API5: variants seen among roughly 807,000 people sequenced by gnomAD.
The protein encoded by API5 is FIF.
Under a neutral mutation model 71.9 loss-of-function variants are expected in API5, and 6 were observed. That is an observed-to-expected ratio of 0.08 (90% CI 0.05 to 0.16). The LOEUF (loss-of-function observed/expected upper bound fraction) is 0.16. API5 is among the 10% of genes least tolerant of loss of function. API5 has a pLI of 1.00. For missense variants in API5, 332 were observed against 612.8 expected (o/e 0.54, Z 4.84); for synonymous variants, 189 against 221.3 (o/e 0.85, Z 1.30).
chr11:43,324,485 C>T (rs914019383), intron 6 of API5, among the ~76,000 whole-genome samples: 3 of 152,032 alleles, frequency 2.0e-5, no homozygotes, highest in Admixed American at 6.6e-5. Flanking sequence ...CGTGGTGGCC[C>T]GTCCCTGTAA....
chr11:43,341,052 A>G (rs1221701262), intron 13 of API5, among the ~76,000 whole-genome samples: 17 of 152,202 alleles, frequency 1.1e-4, no homozygotes, highest in Admixed American at 6.5e-5. Flanking sequence ...TATTCAGAAT[A>G]TAGAAGATAT....
chr11:43,314,085 T>C (rs905813468), intron 1 of API5, among the ~76,000 whole-genome samples: 1 of 150,922 alleles, frequency 6.6e-6, no homozygotes, highest in Non-Finnish European at 1.5e-5. Flanking sequence ...CAAGACTCCA[T>C]CTCAAACAAA....
intron 1 of API5, among the ~76,000 whole-genome samples, chr11:43,315,918 A>T (rs1325264008): frequency 6.6e-6 from 1 of 152,160 alleles, no homozygotes. Flanking sequence ...ATAGATACTT[A>T]ATTTTATATT....
chr11:43,340,267 G>A, intron 13 of API5: 1 of 322,872 alleles, frequency 3.1e-6, no homozygotes, highest in Non-Finnish European at 6.0e-6. Context: ...AAACACTGAT[G>A]AAAGAAATTG....
chr11:43,320,042 CTT>C (rs368783012), intron 2 of API5, among the ~76,000 whole-genome samples: 7 of 120,142 alleles, frequency 5.8e-5, no homozygotes, highest in Non-Finnish European at 8.8e-5. Context: ...CAAATTCTCT[CTT>C]TTTTTTTTTT....
chr11:43,336,357 TTCTGAGAGATAGTA>T lies in API5; in HGVS notation c.1492+365_1492+378del, dbSNP rs1230765096. The stretch of plus-strand genomic sequence containing the variant: ...ATTCTCCCTCAGGGATGGGTATAGC[TTCTGAGAGATAGTA>T]TAAATGCTCTTTCTTGGACATAGTC... On this transcript the variant is annotated intron_variant, in intron 13 of 13. Transcript: ENST00000531273. 16 of 289,360 alleles carry T rather than the reference TTCTGAGAGATAGTA, an allele frequency of 5.5e-5. No individual in the cohort carries two copies. In the South Asian group the frequency reaches 1.4e-3, roughly 25 times the overall value. The allele number at this position is 289,360 out of a possible 1,614,324, so 17.9% of individuals were successfully genotyped here.
chr11:43,312,873 C>A (rs1156681727), intron 1 of API5, among the ~76,000 whole-genome samples: 1 of 152,114 alleles, frequency 6.6e-6, no homozygotes, highest in African/African-American at 2.4e-5. Context: ...CTTTGGGAGG[C>A]CGAGGCGGGC....
chr11:43,323,238 C>A (rs563729100), intron 5 of API5, among the ~76,000 whole-genome samples, 192 bp from the exon 6 acceptor site: 1 of 152,058 alleles, frequency 6.6e-6, no homozygotes, highest in East Asian at 1.9e-4. Context: ...AATTTTTGCC[C>A]CCTTGGAGAA....
chr11:43,316,375 T>C (rs1212126817), intron 1 of API5, among the ~76,000 whole-genome samples: 1 of 115,320 alleles, frequency 8.7e-6, no homozygotes, highest in East Asian at 2.6e-4. Flanking sequence ...AAGGAAGTTT[T>C]GTTTTAAGCA....
intron 6 of API5, among the ~76,000 whole-genome samples, chr11:43,325,517 A>G (rs2134358542): frequency 6.6e-6 from 1 of 152,320 alleles, no homozygotes; most frequent in Middle Eastern, 3.4e-3. Context: ...ACAATAGCCA[A>G]CATCATCGAT....
At chr11:43,327,189 T>G (rs1411233336) in intron 7 of API5, among the ~76,000 whole-genome samples, 1 of 152,332 alleles carries the variant, frequency 6.6e-6, no homozygotes. Flanking sequence ...TCATGGGTCT[T>G]TGGGATAGAG....
intron 1 of API5, among the ~76,000 whole-genome samples, chr11:43,316,662 A>G (rs1402086881): frequency 2.0e-5 from 3 of 152,028 alleles, no homozygotes; most frequent in African/African-American, 7.3e-5. Context: ...TTGCTCTGTC[A>G]GGCTGGAGTG....
intron 5 of API5, among the ~76,000 whole-genome samples, chr11:43,322,516 CTG>C (rs894123693): frequency 2.2e-4 from 33 of 152,214 alleles, no homozygotes; most frequent in African/African-American, 7.0e-4. Context: ...TCAAAATGAC[CTG>C]TTGTCACCTT....
Position 43,321,976 on chromosome 11 carries a change from G to A in API5, c.392-9G>A, listed in dbSNP as rs748074447. On this transcript the variant is annotated splice_polypyrimidine_tract_variant and intron_variant, in intron 4 of 13. Coordinates refer to ENST00000531273, the MANE Select transcript of API5 (RefSeq NM_001142930.2). ...TTGACTTGCTACAGGCAACTATTTT[G>A]TTTTGCAGGGACTTTAGGTGGGTTG... 1 of 1,604,770 alleles carries A rather than the reference G, an allele frequency of 6.2e-7. No individual in the cohort carries two copies. Among genetic ancestry groups the A allele is most frequent in the African/African-American group, 1.3e-5 (1 of 74,446 alleles).
chr11:43,328,931 G>A (rs2134365079), intron 9 of API5, 38 bp downstream of exon 9: 3 of 1,606,660 alleles, frequency 1.9e-6, no homozygotes, highest in Middle Eastern at 1.7e-4. Context: ...CTTGGCAAAG[G>A]TGGTAGCTAT....
rs376582287 is a variant in API5 at position 43,335,916 on chromosome 11, G to C, written c.1414G>C (p.Gly472Arg). The C allele has an allele frequency of 6.2e-7, 1 of 1,613,798 alleles. No individual in the cohort carries two copies. The highest frequency in any genetic ancestry group is 8.5e-7 in the Non-Finnish European group (1 of 1,179,944). ...SGSPPKKSSA[G>R]PKRDARQIYN... The stretch of plus-strand genomic sequence containing the variant: ...TTCACCACCCAAGAAATCTTCAGCA[G>C]GACCAAAAAGAGATGCCAGGCAGAT... Residue 472 changes from glycine to arginine, a missense_variant, in exon 13 of 14, where the codon GGA becomes CGA. Coordinates refer to ENST00000531273, the MANE Select transcript of API5 (RefSeq NM_001142930.2).
At chr11:43,331,951 G>T (rs759725103) in intron 11 of API5, 42 of 152,156 alleles carry the variant, frequency 2.8e-4, no homozygotes, top group Non-Finnish European at 5.1e-4. Flanking sequence ...ATAAAAATGT[G>T]AGATTTGACT....
chr11:43,334,558 C>T (rs1488430661), intron 11 of API5, among the ~76,000 whole-genome samples: 1 of 151,892 alleles, frequency 6.6e-6, no homozygotes, highest in Non-Finnish European at 1.5e-5. Flanking sequence ...TACCTATATA[C>T]AAAAAATCAA....
chr11:43,315,579 AC>A (rs1854641619), intron 1 of API5, among the ~76,000 whole-genome samples: 2 of 152,166 alleles, frequency 1.3e-5, no homozygotes, highest in Non-Finnish European at 2.9e-5. Flanking sequence ...ACACACACAT[AC>A]ATACATATAT....
Sources: gnomAD v4.1 joint callset for allele counts (sites outside exome capture counted in the v4.1 genomes callset) on GRCh38, gnomAD v4.1.1 for gene constraint, MANE v1.5 for transcripts, NCBI Gene and HGNC (gene_info 2026-07-23, HGNC 2026-07-21) for gene names.